The following ZDHHC14 variants were observed in gnomAD, a reference collection of about 807,000 sequenced individuals.
The protein encoded by ZDHHC14 is zDHHC palmitoyltransferase 14.
A neutral mutation model predicts 47.7 loss-of-function variants in ZDHHC14; 16 were observed. That is an observed-to-expected ratio of 0.34 (90% CI 0.23 to 0.51). The LOEUF (loss-of-function observed/expected upper bound fraction) is 0.51, where lower values mean the gene tolerates loss of function less well. Ranked by LOEUF, ZDHHC14 falls within the 20% of genes least tolerant of loss-of-function variation. The pLI is 0.97. For synonymous variants in ZDHHC14, 293 were observed against 278.9 expected, an observed-to-expected ratio of 1.05 and a Z score of -0.50; for missense variants, 515 against 662.5, an observed-to-expected ratio of 0.78 and a Z score of 2.44.
intron 2 of ZDHHC14, among the ~76,000 whole-genome samples, chr6:157,576,733 C>T (rs1032584741): frequency 3.3e-5 from 5 of 152,240 alleles, no homozygotes; most frequent in Non-Finnish European, 7.3e-5. Context: ...GATGCTTCAT[C>T]TTCATTCTGA....
intron 1 of ZDHHC14, among the ~76,000 whole-genome samples, chr6:157,396,997 G>A: frequency 6.6e-6 from 1 of 152,178 alleles, no homozygotes; most frequent in Admixed American, 6.5e-5. Context: ...CTGCCTCTTG[G>A]CTTCGGATGG....
chr6:157,597,306 T>G (rs552157319), intron 3 of ZDHHC14, among the ~76,000 whole-genome samples: 15 of 152,242 alleles, frequency 9.9e-5, no homozygotes, highest in Admixed American at 2.0e-4. Flanking sequence ...ACTATGTATG[T>G]TTTAAAGCCC....
In ZDHHC14 at chr6:157,381,606, C is replaced by CT; in HGVS notation, c.-416_-415insT. ...CCGGGGCCGCCGCCTCGTGTCCCCTCGGGGCGCAGTGCTCGGGGGTCGGCG... is the reference window on the plus strand; with the variant it reads ...CCGGGGCCGCCGCCTCGTGTCCCCTCTGGGGCGCAGTGCTCGGGGGTCGGCG... On this transcript the variant is annotated 5_prime_UTR_variant, in exon 1 of 9. Coordinates refer to ENST00000359775, the MANE Select transcript of ZDHHC14 (RefSeq NM_024630.3). The CT allele has an allele frequency of 2.6e-6, 1 of 380,750 alleles. No homozygotes were observed. The highest frequency in any genetic ancestry group is 2.9e-5 in the Admixed American group (1 of 34,616). The allele number at this position is 380,750 out of a possible 1,614,324, so 23.6% of individuals were successfully genotyped here.
chr6:157,542,592 T>C lies in ZDHHC14; in HGVS notation c.253T>C (p.Tyr85His), dbSNP rs763003500. 12 of 1,614,076 alleles carry C rather than the reference T, an allele frequency of 7.4e-6. No homozygotes were observed. The highest frequency in any genetic ancestry group is 1.7e-6 in the Non-Finnish European group (2 of 1,180,046). The part of the protein sequence containing the change: ...SGLFFAFDCP[Y>H]LAVKITPAIP... ...TGTCCAACCTGTCGGCAGCTGTCCG[T>C]ACCTGGCGGTGAAAATCACCCCTGC... Residue 85 changes from tyrosine to histidine, a missense_variant, in exon 2 of 9, where the codon TAC becomes CAC. Around this residue, in one of 4 missense-constraint regions of ZDHHC14, gnomAD observed 229 missense variants for 351.5 expected, o/e 0.65. Transcript: ENST00000359775.
At chr6:157,492,067 C>A (rs911561054) in intron 1 of ZDHHC14, among the ~76,000 whole-genome samples, 2 of 152,180 alleles carry the variant, frequency 1.3e-5, no homozygotes, top group Admixed American at 1.3e-4. Context: ...GTGTTGGTTG[C>A]GGCACCTCAG....
chr6:157,403,297 C>G (rs747420521), intron 1 of ZDHHC14, among the ~76,000 whole-genome samples: 1 of 152,212 alleles, frequency 6.6e-6, no homozygotes. Context: ...GAACAATAAC[C>G]TACGAAATAA....
In ZDHHC14 at chr6:157,673,263, T is replaced by G; in HGVS notation, c.*141T>G. 1.7e-6 allele frequency: 2 copies of G among 1,174,450 alleles called. No homozygotes were observed. The highest frequency in any genetic ancestry group is 3.5e-5 in the South Asian group (2 of 56,434). The allele number at this position is 1,174,450 out of a possible 1,614,324, so 72.8% of individuals were successfully genotyped here. On this transcript the variant is annotated 3_prime_UTR_variant, in exon 9 of 9. Transcript: ENST00000359775. The surrounding 1 kb of genome is among the most constrained non-coding windows in gnomAD (Gnocchi z 5.4). The stretch of plus-strand genomic sequence containing the variant: ...CCCAGGTCTGGGGTACAGAGACCAC[T>G]TAGGATGGCACAGGGTGGCTGGCCC...
intron 5 of ZDHHC14, among the ~76,000 whole-genome samples, chr6:157,644,152 C>T (rs679313): frequency 0.41 from 61,879 of 152,082 alleles, 14,057 homozygotes; most frequent in Admixed American, 0.51. Context: ...GCATTGTGTT[C>T]CCTGGACTCT....
Position 157,625,931 on chromosome 6 carries a change from C to G in ZDHHC14, c.566-2418C>G, listed in dbSNP as rs991345603. On this transcript the variant is annotated intron_variant, in intron 3 of 8. Transcript: ENST00000359775. ...CTCATCTCTAAGACGGCGCTGGTTT[C>G]CCAAGAAGCTCCCAGACTCCACGAG... is the stretch of plus-strand genomic sequence containing the variant. 2.6e-5 allele frequency among the ~76,000 whole-genome samples: 4 copies of G among 152,162 alleles called. No homozygotes were observed. The East Asian group carries it at 7.7e-4, about 29-fold the overall frequency.
intron 2 of ZDHHC14, among the ~76,000 whole-genome samples, chr6:157,548,042 C>T (rs980658433): frequency 1.3e-5 from 2 of 151,756 alleles, no homozygotes; most frequent in African/African-American, 4.8e-5. Flanking sequence ...TCTTCATACA[C>T]TGCGCAGTCG....
chr6:157,494,382 G>A (rs1302806058), intron 1 of ZDHHC14, among the ~76,000 whole-genome samples: 1 of 152,208 alleles, frequency 6.6e-6, no homozygotes, highest in Non-Finnish European at 1.5e-5. Context: ...TGCGGGCTCT[G>A]CATGCTTTCT....
At chr6:157,489,829 C>T (rs554162010) in intron 1 of ZDHHC14, among the ~76,000 whole-genome samples, 1 of 152,224 alleles carries the variant, frequency 6.6e-6, no homozygotes, top group East Asian at 1.9e-4. Flanking sequence ...AGTGCAGTGG[C>T]GTGATCATGG....
chr6:157,632,948 C>A, intron 5 of ZDHHC14, 66 bp downstream of exon 5: 1 of 1,515,212 alleles, frequency 6.6e-7, no homozygotes, highest in Non-Finnish European at 9.2e-7. Flanking sequence ...ACCTTCTGTG[C>A]GCACACCTCC....
chr6:157,573,130 A>C (rs1471372469), intron 2 of ZDHHC14, among the ~76,000 whole-genome samples: 1 of 151,238 alleles, frequency 6.6e-6, no homozygotes, highest in Non-Finnish European at 1.5e-5. Flanking sequence ...GAGAAAGGCA[A>C]GGATTGTCTG....
Position 157,381,909 on chromosome 6 carries a change from C to T in ZDHHC14, c.-113C>T. Reference sequence around the variant, plus strand: ...GAGCCGGGAGCCCGTGTAGGGGCCGCGGCGCCGCGGCTCGGGGGGCGGCCG... The same window carrying T: ...GAGCCGGGAGCCCGTGTAGGGGCCGTGGCGCCGCGGCTCGGGGGGCGGCCG... On this transcript the variant is annotated 5_prime_UTR_variant, in exon 1 of 9. Transcript: ENST00000359775. 2 of 909,260 alleles carry T rather than the reference C, an allele frequency of 2.2e-6. No homozygotes were observed. Among genetic ancestry groups the T allele is most frequent in the Non-Finnish European group, 2.6e-6 (2 of 768,238 alleles). 56.3% of individuals were successfully genotyped at this position (909,260 alleles called of 1,614,324 possible). A position where few individuals can be genotyped will look rare whatever the true frequency, so the allele number is the denominator to read the frequency against.
At chr6:157,423,798 C>T (rs1317144904) in intron 1 of ZDHHC14, among the ~76,000 whole-genome samples, 1 of 152,238 alleles carries the variant, frequency 6.6e-6, no homozygotes, top group East Asian at 1.9e-4. Context: ...CAGGTGCCAT[C>T]TGTGGATTTG....
Position 157,586,955 on chromosome 6 carries a change from A to G in ZDHHC14, c.407-6033A>G, listed in dbSNP as rs1325297694. Among the ~76,000 whole-genome samples the G allele has an allele frequency of 6.6e-6, 1 of 152,236 alleles. No individual in the cohort carries two copies. Among genetic ancestry groups the G allele is most frequent in the Non-Finnish European group, 1.5e-5 (1 of 68,028 alleles). On this transcript the variant is annotated intron_variant, in intron 2 of 8. Coordinates refer to ENST00000359775, the MANE Select transcript of ZDHHC14 (RefSeq NM_024630.3). This position sits in a 1 kb window ranked among gnomAD's most constrained non-coding sequence, Gnocchi z 4.6. Reference sequence around the variant, plus strand: ...AAAATGCACTTTGGAACTAAAGATCAATAGAGTTTATCTTCAGGAGTGTCA... The same window carrying G: ...AAAATGCACTTTGGAACTAAAGATCGATAGAGTTTATCTTCAGGAGTGTCA...
intron 1 of ZDHHC14, among the ~76,000 whole-genome samples, chr6:157,513,120 G>C (rs1279420577): frequency 6.6e-6 from 1 of 152,210 alleles, no homozygotes; most frequent in African/African-American, 2.4e-5. Flanking sequence ...TATTTCTAAG[G>C]AGATTCTTTA....
chr6:157,673,218 G>A lies in ZDHHC14; in HGVS notation c.*96G>A. On this transcript the variant is annotated 3_prime_UTR_variant, in exon 9 of 9. Coordinates refer to ENST00000359775, the MANE Select transcript of ZDHHC14 (RefSeq NM_024630.3). This position sits in a 1 kb window ranked among gnomAD's most constrained non-coding sequence, Gnocchi z 5.4. ...TCCCACAGCGACTTTCCCAGCCAAT[G>A]CCACGGTGGAGATGACAGCCCCAGG... 7.0e-7 allele frequency: 1 copy of A among 1,434,418 alleles called. No homozygotes were observed. The highest frequency in any genetic ancestry group is 9.1e-7 in the Non-Finnish European group (1 of 1,097,478). 88.9% of individuals were successfully genotyped at this position (1,434,418 alleles called of 1,614,324 possible).
Sources: gnomAD v4.1 joint callset for allele counts (sites outside exome capture counted in the v4.1 genomes callset) on GRCh38, gnomAD v4.1.1 for gene constraint, gnomAD v4.1.1 regional missense constraint, Gnocchi (gnomAD v3.1) non-coding constraint, MANE v1.5 for transcripts, NCBI Gene and HGNC (gene_info 2026-07-23, HGNC 2026-07-21) for gene names.